MARCHF1: variants seen among roughly 807,000 people sequenced by gnomAD.
MARCHF1 encodes E3 ubiquitin-protein ligase MARCHF1.
Under a neutral mutation model 54.2 loss-of-function variants are expected in MARCHF1, and 40 were observed. The ratio of observed to expected loss-of-function variants is 0.74; its 90% confidence interval spans 0.57 to 0.96. MARCHF1 has a LOEUF of 0.96. Among genes scored for constraint, MARCHF1 ranks in the 40% least tolerant of loss-of-function variants. MARCHF1 has a pLI of 0.00. For missense variants in MARCHF1, 586 were observed against 656.5 expected (o/e 0.89, Z 1.17); for synonymous variants, 236 against 236.3 (o/e 1.00, Z 0.01).
chr4:164,361,018 T>A (rs556262503), intron 1 of MARCHF1, among the ~76,000 whole-genome samples: 2 of 151,756 alleles, frequency 1.3e-5, no homozygotes, highest in African/African-American at 4.8e-5. Flanking sequence ...GAGCACCTGA[T>A]GGTCTAGAGC....
chr4:163,742,028 T>C lies in MARCHF1; in HGVS notation c.112-41165A>G, dbSNP rs149848243. On this transcript the variant is annotated intron_variant, in intron 4 of 9. Transcript: ENST00000514618. ...TTATTTTTGTGTATGCCTTACAATG[T>C]GTAGAATAAAGTAGTACAGTAGCAT... Among the ~76,000 whole-genome samples the C allele has an allele frequency of 1.4e-3, 217 of 152,336 alleles. 2 individuals carry two copies. In the East Asian group the frequency reaches 0.034, roughly 24 times the overall value.
At chr4:163,661,187 C>T (rs536785883) in intron 5 of MARCHF1, among the ~76,000 whole-genome samples, 2 of 152,074 alleles carry the variant, frequency 1.3e-5, no homozygotes, top group Admixed American at 6.6e-5. Context: ...AATATTAAGT[C>T]ACCTGCTATG....
intron 2 of MARCHF1, among the ~76,000 whole-genome samples, chr4:164,020,775 A>G (rs1160044333): frequency 1.3e-5 from 2 of 152,186 alleles, no homozygotes; most frequent in African/African-American, 2.4e-5. Context: ...TACAAAAAAT[A>G]CAAAACTTAG....
intron 5 of MARCHF1, among the ~76,000 whole-genome samples, chr4:163,684,407 A>G (rs1744204564): frequency 6.6e-6 from 1 of 152,204 alleles, no homozygotes; most frequent in Non-Finnish European, 1.5e-5. Flanking sequence ...CAAACAAACA[A>G]AACTGCTACA....
intron 1 of MARCHF1, among the ~76,000 whole-genome samples, chr4:164,220,246 A>T (rs1732054235): frequency 6.7e-6 from 1 of 148,456 alleles, no homozygotes; most frequent in Non-Finnish European, 1.5e-5. Context: ...ATATATACAC[A>T]CATACGTATA....
chr4:163,529,087 C>G, intron 9 of MARCHF1, 41 bp from the exon 10 acceptor site: 1 of 1,517,622 alleles, frequency 6.6e-7, no homozygotes, highest in Non-Finnish European at 8.9e-7. Flanking sequence ...CCAAGTTGTC[C>G]TCAGTGGATT....
chr4:163,714,415 T>C (rs17657758), intron 4 of MARCHF1, among the ~76,000 whole-genome samples: 12,120 of 152,322 alleles, frequency 0.08, 933 homozygotes, highest in East Asian at 0.22. Context: ...AATAGCTTAC[T>C]GCTAATGAAA....
intron 3 of MARCHF1, among the ~76,000 whole-genome samples, chr4:163,873,046 AAAAAAAAC>A (rs1183670012): frequency 7.3e-6 from 1 of 136,618 alleles, no homozygotes; most frequent in South Asian, 2.4e-4. Context: ...TCCGTCTCAA[AAAAAAAAC>A]AAACAAACAA....
At chr4:164,317,659 TACTC>T (rs1251337013) in intron 1 of MARCHF1, among the ~76,000 whole-genome samples, 1 of 152,176 alleles carries the variant, frequency 6.6e-6, no homozygotes, top group African/African-American at 2.4e-5. Flanking sequence ...ACAGCACTCT[TACTC>T]AAGAAAACGG....
intron 5 of MARCHF1, among the ~76,000 whole-genome samples, chr4:163,626,543 T>G (rs568242669): frequency 6.6e-6 from 1 of 152,226 alleles, no homozygotes; most frequent in Non-Finnish European, 1.5e-5. Flanking sequence ...GAAATACTGC[T>G]GCAGAAGATT....
At chr4:164,093,225 C>T (rs1755340799) in intron 2 of MARCHF1, among the ~76,000 whole-genome samples, 1 of 152,090 alleles carries the variant, frequency 6.6e-6, no homozygotes, top group African/African-American at 2.4e-5. Context: ...TTTTAAATTA[C>T]AGTAGACCCA....
At chr4:163,672,939 C>T (rs747288607) in intron 5 of MARCHF1, among the ~76,000 whole-genome samples, 1 of 152,206 alleles carries the variant, frequency 6.6e-6, no homozygotes, top group African/African-American at 2.4e-5. Flanking sequence ...TCTCCCTCTT[C>T]TGTTGACTCT....
At chr4:163,707,658 T>A (rs953073032) in intron 4 of MARCHF1, among the ~76,000 whole-genome samples, 4 of 151,892 alleles carry the variant, frequency 2.6e-5, no homozygotes, top group Admixed American at 2.0e-4. Flanking sequence ...TCTGGCAACA[T>A]ATATTGAAAT....
At chr4:163,762,431 CT>C in intron 4 of MARCHF1, among the ~76,000 whole-genome samples, 1 of 151,934 alleles carries the variant, frequency 6.6e-6, no homozygotes. Flanking sequence ...GAAAAATGAT[CT>C]TTTTTTAGTT....
intron 3 of MARCHF1, among the ~76,000 whole-genome samples, chr4:163,936,009 C>A (rs1021547460): frequency 3.3e-5 from 5 of 152,096 alleles, no homozygotes; most frequent in African/African-American, 1.2e-4. Flanking sequence ...TTCACTTGAA[C>A]ACTTAGTGGC....
At chr4:163,986,776 T>A (rs1287720521) in intron 3 of MARCHF1, among the ~76,000 whole-genome samples, 1 of 152,212 alleles carries the variant, frequency 6.6e-6, no homozygotes, top group Non-Finnish European at 1.5e-5. Flanking sequence ...CTAACATGAA[T>A]AAAAAACATT....
At chr4:164,044,626 G>A (rs1022287347) in intron 2 of MARCHF1, among the ~76,000 whole-genome samples, 3 of 152,058 alleles carry the variant, frequency 2.0e-5, no homozygotes, top group Non-Finnish European at 2.9e-5. Flanking sequence ...GGGAGCAGGT[G>A]GTGGATGACT....
At chr4:164,051,648 G>A (rs903717869) in intron 2 of MARCHF1, among the ~76,000 whole-genome samples, 7 of 152,146 alleles carry the variant, frequency 4.6e-5, no homozygotes, top group Admixed American at 3.9e-4. Flanking sequence ...CTTGCAGAAG[G>A]TAGGTAACTT....
At chr4:164,157,519 T>G (rs1012701005) in intron 1 of MARCHF1, among the ~76,000 whole-genome samples, 11 of 152,186 alleles carry the variant, frequency 7.2e-5, no homozygotes, top group African/African-American at 2.4e-4. Context: ...CTGAGTAGAT[T>G]AGAACAACAG....
Sources: allele counts gnomAD v4.1 joint callset (sites outside exome capture counted in the v4.1 genomes callset), GRCh38; gene constraint gnomAD v4.1.1; transcripts MANE v1.5; gene names NCBI Gene and HGNC (gene_info 2026-07-23, HGNC 2026-07-21).